Variants in ROR2 observed in about 807,000 individuals in gnomAD.
ROR2 encodes ROR family WNT receptor 2.
In ROR2, 33 loss-of-function variants were observed where a neutral mutation model predicts 74.9. The ratio of observed to expected loss-of-function variants is 0.44; its 90% CI spans 0.33 to 0.59. The LOEUF (loss-of-function observed/expected upper bound fraction) is 0.59. Among genes scored for constraint, ROR2 ranks in the 20% least tolerant of loss-of-function variants. The pLI is 0.02. For synonymous variants in ROR2, 586 were observed against 558.7 expected (o/e 1.05, Z -0.69); for missense variants, 1,216 against 1,313.8 (o/e 0.93, Z 1.15).
At chr9:91,941,557 A>T (rs1394857509) in intron 1 of ROR2, among the ~76,000 whole-genome samples, 1 of 152,206 alleles carries the variant, frequency 6.6e-6, no homozygotes, top group African/African-American at 2.4e-5. Flanking sequence ...GACAAGTCTG[A>T]CAACACGTTT....
intron 1 of ROR2, among the ~76,000 whole-genome samples, chr9:91,898,587 G>C (rs950360288): frequency 6.6e-6 from 1 of 152,208 alleles, no homozygotes; most frequent in African/African-American, 2.4e-5. Flanking sequence ...CGTACAGCCA[G>C]GTGGCCAGCA....
intron 1 of ROR2, among the ~76,000 whole-genome samples, chr9:91,940,622 TC>T (rs1831824299): frequency 1.3e-5 from 2 of 148,712 alleles, no homozygotes; most frequent in Non-Finnish European, 3.0e-5. Context: ...TGAGACAGAG[TC>T]TTGCTCTGTC....
intron 1 of ROR2, among the ~76,000 whole-genome samples, chr9:91,897,614 G>A (rs1830567650): frequency 6.6e-6 from 1 of 152,144 alleles, no homozygotes; most frequent in African/African-American, 2.4e-5. Context: ...AAGGTGTGAA[G>A]GCGAGCCTAA....
intron 1 of ROR2, among the ~76,000 whole-genome samples, chr9:91,916,769 G>A (rs970911442): frequency 4.6e-5 from 7 of 152,094 alleles, no homozygotes; most frequent in Admixed American, 4.6e-4. Flanking sequence ...ATCGCTCTTA[G>A]AATCTGAAGC....
intron 1 of ROR2, among the ~76,000 whole-genome samples, chr9:91,839,256 GT>G (rs1356753736): frequency 3.4e-5 from 2 of 58,844 alleles, no homozygotes; most frequent in East Asian, 1.3e-3. Context: ...TCGGGGGTGT[GT>G]GTGTGTGTGT....
chr9:91,727,899 C>A (rs1352067980), intron 7 of ROR2, among the ~76,000 whole-genome samples: 1 of 152,154 alleles, frequency 6.6e-6, no homozygotes, highest in Non-Finnish European at 1.5e-5. Flanking sequence ...CACCCCTGCT[C>A]CCCCAAATAA....
At chr9:91,825,923 A>G (rs374231530) in intron 1 of ROR2, among the ~76,000 whole-genome samples, 66 of 152,330 alleles carry the variant, frequency 4.3e-4, no homozygotes, top group Non-Finnish European at 6.6e-4. Context: ...ACCAATGAAA[A>G]GCTTTAATGC....
intron 4 of ROR2, among the ~76,000 whole-genome samples, chr9:91,751,974 A>G (rs968623948): frequency 2.8e-4 from 42 of 152,232 alleles, no homozygotes; most frequent in African/African-American, 9.6e-4. Flanking sequence ...CTTTAAATAC[A>G]TTTATTTGAA....
rs185016988 is a variant in ROR2, at chr9:91,949,022, C to T, written c.97+845G>A. ...CGCCCCGGATCCAAGCAGCCGAAAC[C>T]GCGCAGGGACTCGGGGGAAGTGGGG... On this transcript the variant is annotated intron_variant, in intron 1 of 8. Transcript: ENST00000375708. The T allele has an allele frequency of 1.2e-4, 94 of 774,240 alleles. No individual in the cohort carries two copies. The African/African-American group carries it at 1.7e-3, about 14-fold the overall frequency. 48.0% of individuals were successfully genotyped at this position (774,240 alleles called of 1,614,324 possible). A position where few individuals can be genotyped will look rare whatever the true frequency, so the allele number is the denominator to read the frequency against.
chr9:91,874,585 T>C (rs150611237), intron 1 of ROR2, among the ~76,000 whole-genome samples: 1 of 152,312 alleles, frequency 6.6e-6, no homozygotes, highest in East Asian at 1.9e-4. Flanking sequence ...CACAGATTTC[T>C]TCCCGTTGTC....
At position 91,949,403 on chromosome 9, in the gene ROR2, G is replaced by A. The variant is rs546427954; in HGVS notation, c.97+464C>T. On this transcript the variant is annotated intron_variant, in intron 1 of 8. Coordinates refer to ENST00000375708, the MANE Select transcript of ROR2 (RefSeq NM_004560.4). ...ACCCCAGGATTCTGCCAGGCATCAG[G>A]CCGCCCTGGGGGTGGGGGGACGCTC... is the stretch of plus-strand genomic sequence containing the variant. Among the ~76,000 whole-genome samples, 183 of 152,098 alleles carry A rather than the reference G, an allele frequency of 1.2e-3. 9 individuals carry two copies. In the South Asian group the frequency reaches 0.037, roughly 31 times the overall value.
intron 1 of ROR2, among the ~76,000 whole-genome samples, chr9:91,890,157 A>C (rs1380704635): frequency 6.6e-6 from 1 of 152,190 alleles, no homozygotes; most frequent in Non-Finnish European, 1.5e-5. Flanking sequence ...TTCTGGAAGA[A>C]AGTCAGAAGA....
chr9:91,889,283 C>G (rs1255541334), intron 1 of ROR2, among the ~76,000 whole-genome samples: 1 of 152,146 alleles, frequency 6.6e-6, no homozygotes, highest in East Asian at 1.9e-4. Context: ...GACAGAGGAG[C>G]CAGGAGTCCC....
chr9:91,797,784 C>A (rs1827226148), intron 1 of ROR2, among the ~76,000 whole-genome samples: 1 of 55,618 alleles, frequency 1.8e-5, no homozygotes, highest in Non-Finnish European at 3.2e-5. Context: ...GGCTGACACC[C>A]TGGGCTCTGT....
chr9:91,935,433 T>C (rs1831658171), intron 1 of ROR2, among the ~76,000 whole-genome samples: 1 of 152,170 alleles, frequency 6.6e-6, no homozygotes, highest in South Asian at 2.1e-4. Flanking sequence ...GGCAGCTCCT[T>C]CCTCCATTTG....
intron 1 of ROR2, among the ~76,000 whole-genome samples, chr9:91,881,917 C>T (rs1322066344): frequency 6.6e-6 from 1 of 152,200 alleles, no homozygotes; most frequent in Non-Finnish European, 1.5e-5. Context: ...AGTAGGAGGG[C>T]AGGCGAGGCC....
At chr9:91,829,257 T>TGTTG (rs983258582) in intron 1 of ROR2, among the ~76,000 whole-genome samples, 1 of 152,122 alleles carries the variant, frequency 6.6e-6, no homozygotes, top group Non-Finnish European at 1.5e-5. Context: ...AATGCAGACA[T>TGTTG]GTTGGCTGGG....
intron 8 of ROR2, 142 bp from the exon 9 acceptor site, chr9:91,725,249 A>C: frequency 1.4e-6 from 2 of 1,431,240 alleles, no homozygotes; most frequent in Non-Finnish European, 1.9e-6. Context: ...TTGCCCACCC[A>C]GCCTTGGCCT....
chr9:91,755,862 G>C (rs1825733117), intron 4 of ROR2: 1 of 624,094 alleles, frequency 1.6e-6, no homozygotes, highest in African/African-American at 1.8e-5. Context: ...AACCATTTTT[G>C]TTTTTCTGAC....
Sources: gnomAD v4.1 joint callset for allele counts (sites outside exome capture counted in the v4.1 genomes callset) on GRCh38, gnomAD v4.1.1 for gene constraint, MANE v1.5 for transcripts, NCBI Gene and HGNC (gene_info 2026-07-23, HGNC 2026-07-21) for gene names.